Variants in NEMF observed in about 807,000 individuals in gnomAD.
NEMF encodes nuclear export mediator factor, also known as ribosome quality control complex subunit NEMF.
NEMF carries 89 observed loss-of-function variants against 162.2 expected under a neutral mutation model. The observed-to-expected ratio is 0.55, with a 90% CI of 0.46 to 0.65. The LOEUF is 0.65. Ranked by LOEUF, NEMF falls within the 30% of genes least tolerant of loss-of-function variation. The pLI is 0.00. For missense variants in NEMF, 1,133 were observed against 1,261.9 expected, an observed-to-expected ratio of 0.90 and a Z score of 1.55; for synonymous variants, 421 against 404.5, an observed-to-expected ratio of 1.04 and a Z score of -0.49.
intron 22 of NEMF, 44 bp from the exon 23 acceptor site, chr14:49,800,740 A>T (rs779200458): frequency 6.5e-7 from 1 of 1,538,212 alleles, no homozygotes; most frequent in Non-Finnish European, 8.8e-7. Flanking sequence ...ACTACCAACC[A>T]AGCCAGGTGA....
intron 16 of NEMF, chr14:49,820,567 G>A (rs1891956691): frequency 6.7e-6 from 3 of 451,116 alleles, no homozygotes; most frequent in Non-Finnish European, 1.3e-5. Context: ...TCAGGAGTTC[G>A]AGACTAGCCT....
intron 16 of NEMF, among the ~76,000 whole-genome samples, chr14:49,825,191 A>G (rs1892275378): frequency 6.6e-6 from 1 of 152,246 alleles, no homozygotes; most frequent in African/African-American, 2.4e-5. Flanking sequence ...CAATTTAAAT[A>G]TTTATAATGA....
At chr14:49,792,873 T>C (rs1890519133) in intron 26 of NEMF, among the ~76,000 whole-genome samples, 1 of 151,974 alleles carries the variant, frequency 6.6e-6, no homozygotes, top group South Asian at 2.1e-4. Context: ...CCCAGCTGTT[T>C]GGGAAGCTGA....
chr14:49,822,435 C>T (rs1157541587), intron 16 of NEMF, among the ~76,000 whole-genome samples: 3 of 151,174 alleles, frequency 2.0e-5, no homozygotes, highest in African/African-American at 7.3e-5. Context: ...GCAGGAGAAT[C>T]CCTTGAGCCT....
In NEMF at chr14:49,821,119, G is replaced by T. The variant is rs549528878; in HGVS notation, c.1577+4748C>A. On this transcript the variant is annotated intron_variant, in intron 16 of 32. Coordinates refer to ENST00000298310, the MANE Select transcript of NEMF (RefSeq NM_004713.6). ...AGGAGCGTCTCTGCCCGGCCGCCCC[G>T]TCTGAGAAGTGAGGAGCCCCTCCGC... is the stretch of plus-strand genomic sequence containing the variant. 2.3e-4 allele frequency among the ~76,000 whole-genome samples: 3 copies of T among 12,914 alleles called. 1 individual carries two copies. In the Non-Finnish European group the frequency reaches 0.03, roughly 129 times the overall value. The allele number at this position is 12,914 out of a possible 152,430, so 8.5% of individuals were successfully genotyped here.
At chr14:49,819,209 T>C (rs1891870374) in intron 16 of NEMF, among the ~76,000 whole-genome samples, 1 of 152,008 alleles carries the variant, frequency 6.6e-6, no homozygotes, top group Non-Finnish European at 1.5e-5. Flanking sequence ...ATCCAATATA[T>C]GGCATGAGGA....
At chr14:49,789,700 A>C (rs1187536841) in intron 26 of NEMF, 127 bp from the exon 27 acceptor site, 4 of 1,299,758 alleles carry the variant, frequency 3.1e-6, no homozygotes, top group Non-Finnish European at 4.1e-6. Flanking sequence ...CACCATTATA[A>C]TAAACAATAT....
intron 6 of NEMF, among the ~76,000 whole-genome samples, chr14:49,835,745 G>A (rs968858236): frequency 2.0e-5 from 3 of 152,120 alleles, no homozygotes; most frequent in African/African-American, 7.2e-5. Flanking sequence ...ACATGATCCT[G>A]TACCTTAAAA....
At chr14:49,846,082 T>C (rs1893485817) in intron 4 of NEMF, 58 bp downstream of exon 4, 6 of 1,498,832 alleles carry the variant, frequency 4.0e-6, no homozygotes, top group Non-Finnish European at 5.5e-6. Context: ...TATATAGCAC[T>C]ATTACAAAAT....
rs748858097 is a variant in NEMF at position 49,784,928 on chromosome 14, T to TAC, written c.3148_3149dup (p.Lys1051Ter). The stretch of plus-strand genomic sequence containing the variant: ...CTTTTCTGAAGGAGAACTTTACCTT[T>TAC]ACGCTGCGGAATAAGTCTTTTTCTC... On this transcript the variant is annotated frameshift_variant, in exon 32 of 33. Transcript: ENST00000298310. LOFTEE classifies it high-confidence loss of function. 1 of 1,613,050 alleles carries TAC rather than the reference T, an allele frequency of 6.2e-7. No individual in the cohort carries two copies. The highest frequency in any genetic ancestry group is 8.5e-7 in the Non-Finnish European group (1 of 1,179,208).
intron 4 of NEMF, 92 bp from the exon 5 acceptor site, chr14:49,840,958 A>T: frequency 9.5e-7 from 1 of 1,051,490 alleles, no homozygotes; most frequent in Non-Finnish European, 1.4e-6. Context: ...GCACTGTGGA[A>T]GGCCGAGGCA....
At chr14:49,788,055 G>C (rs1468415809) in intron 28 of NEMF, among the ~76,000 whole-genome samples, 1 of 152,128 alleles carries the variant, frequency 6.6e-6, no homozygotes, top group Non-Finnish European at 1.5e-5. Context: ...AAGGCAGGCG[G>C]ATCACCTGAG....
intron 13 of NEMF, 123 bp downstream of exon 13, chr14:49,828,931 A>G (rs1892503280): frequency 1.6e-6 from 2 of 1,281,660 alleles, no homozygotes; most frequent in Non-Finnish European, 2.1e-6. Context: ...ATTTTAATCT[A>G]AATTAGTTTT....
rs370555460 is a variant in NEMF at position 49,806,153 on chromosome 14, T to A, written c.1745-20A>T. The A allele has an allele frequency of 6.4e-6, 10 of 1,569,604 alleles. No homozygotes were observed. Among genetic ancestry groups the A allele is most frequent in the Non-Finnish European group, 7.8e-6 (9 of 1,147,820 alleles). On this transcript the variant is annotated intron_variant, in intron 18 of 32. Coordinates refer to ENST00000298310, the MANE Select transcript of NEMF (RefSeq NM_004713.6). ...GTTCTCCTAGAATAACAATGCATAA[T>A]GTTTCAATACCAAAGTATGGACTTT...
chr14:49,789,115 TAAG>T (rs1566647836), intron 28 of NEMF, 28 bp downstream of exon 28: 1 of 1,586,272 alleles, frequency 6.3e-7, no homozygotes, highest in Non-Finnish European at 8.6e-7. Flanking sequence ...TCACCCTAAT[TAAG>T]AAGCAGAAGC....
intron 11 of NEMF, 74 bp downstream of exon 11, chr14:49,831,225 C>T (rs1166991936): frequency 1.2e-6 from 1 of 802,822 alleles, no homozygotes; most frequent in Non-Finnish European, 2.1e-6. Context: ...TGAAAGGCTA[C>T]CCTTTCCTAT....
At chr14:49,848,833 CAAA>C (rs36090515) in intron 3 of NEMF, among the ~76,000 whole-genome samples, 1 of 40,776 alleles carries the variant, frequency 2.5e-5, no homozygotes, top group African/African-American at 1.0e-4. Flanking sequence ...GACTCCGTCT[CAAA>C]AAAAAAAAAA....
chr14:49,839,880 C>G (rs1263466735), intron 5 of NEMF: 2 of 152,148 alleles, frequency 1.3e-5, no homozygotes, highest in Non-Finnish European at 2.9e-5. Context: ...AAGACATTGG[C>G]TGGGCCCGGT....
intron 30 of NEMF, 27 bp from the exon 31 acceptor site, chr14:49,785,162 T>C (rs189875664): frequency 1.3e-6 from 2 of 1,599,276 alleles, no homozygotes; most frequent in Non-Finnish European, 1.7e-6. Flanking sequence ...CATGTGTTAC[T>C]AAATAGACGT....
Sources: allele counts gnomAD v4.1 joint callset (sites outside exome capture counted in the v4.1 genomes callset), GRCh38; gene constraint gnomAD v4.1.1; transcripts MANE v1.5; gene names NCBI Gene and HGNC (gene_info 2026-07-23, HGNC 2026-07-21).